Variants in MBNL1 observed in about 807,000 individuals in gnomAD.
MBNL1 encodes muscleblind like splicing regulator 1.
A neutral mutation model predicts 42.2 loss-of-function variants in MBNL1; 8 were observed. That is an observed-to-expected ratio of 0.19 (90% CI 0.11 to 0.34). The LOEUF (loss-of-function observed/expected upper bound fraction) is 0.34. MBNL1 is among the 10% of genes least tolerant of loss of function. The pLI is 1.00. For synonymous variants in MBNL1, 169 were observed against 173.9 expected (o/e 0.97, Z 0.22); for missense variants, 309 against 495.3 (o/e 0.62, Z 3.57).
At chr3:152,443,846 C>A (rs1045922734) in intron 4 of MBNL1, among the ~76,000 whole-genome samples, 2 of 152,060 alleles carry the variant, frequency 1.3e-5, no homozygotes, top group African/African-American at 2.4e-5. Flanking sequence ...GTATTTGGAA[C>A]ACAAAACTTT....
chr3:152,361,307 G>C (rs2095923304), intron 2 of MBNL1, among the ~76,000 whole-genome samples: 1 of 151,816 alleles, frequency 6.6e-6, no homozygotes, highest in Non-Finnish European at 1.5e-5. Flanking sequence ...AACATCAGTG[G>C]AGTTCCCATG....
chr3:152,385,576 A>G (rs1183187822), intron 2 of MBNL1, among the ~76,000 whole-genome samples: 2 of 152,008 alleles, frequency 1.3e-5, no homozygotes, highest in Admixed American at 6.6e-5. Flanking sequence ...GGGTAACTCT[A>G]CCCTCAACTG....
chr3:152,250,544 A>G (rs967611959), intron 2 of MBNL1, among the ~76,000 whole-genome samples: 5 of 152,124 alleles, frequency 3.3e-5, no homozygotes, highest in African/African-American at 1.2e-4. Context: ...TTTTCTAGAT[A>G]TACAATCAAG....
At chr3:152,363,873 A>T (rs2096176414) in intron 2 of MBNL1, among the ~76,000 whole-genome samples, 1 of 152,156 alleles carries the variant, frequency 6.6e-6, no homozygotes, top group African/African-American at 2.4e-5. Flanking sequence ...ATGAAAAAAT[A>T]TCAATTCCTG....
intron 2 of MBNL1, among the ~76,000 whole-genome samples, chr3:152,332,792 G>A (rs1192491305): frequency 2.0e-5 from 3 of 149,486 alleles, no homozygotes; most frequent in Middle Eastern, 6.8e-3. Context: ...TTTAAAAAAA[G>A]CTGAAGATAG....
chr3:152,269,243 G>A (rs975684434), intron 1 of MBNL1, 151 bp downstream of exon 1: 6 of 349,654 alleles, frequency 1.7e-5, no homozygotes, highest in Non-Finnish European at 3.4e-5. Context: ...TTGGTTTCGC[G>A]TCCCTCAGCA....
chr3:152,353,435 G>A (rs1313442316), intron 2 of MBNL1, among the ~76,000 whole-genome samples: 6 of 152,168 alleles, frequency 3.9e-5, no homozygotes, highest in African/African-American at 1.4e-4. Flanking sequence ...GAGTAGTCAG[G>A]CAGAGGAAAT....
chr3:152,263,453 G>A (rs558605561), upstream of MBNL1: 11 of 152,218 alleles, frequency 7.2e-5, no homozygotes, highest in African/African-American at 2.6e-4. Flanking sequence ...GTTATCTCGA[G>A]GATCATGAGT....
intron 2 of MBNL1, among the ~76,000 whole-genome samples, chr3:152,252,134 A>ACCTTCCTTCCTTCCTT (rs139692617): frequency 0.091 from 9,313 of 102,706 alleles, 1,062 homozygotes; most frequent in Admixed American, 0.11. Context: ...AAACTAACCT[A>ACCTTCCTTCCTTCCTT]CCTTCCTTCC....
intron 1 of MBNL1, among the ~76,000 whole-genome samples, chr3:152,298,418 C>A (rs184255155): frequency 1.3e-5 from 2 of 152,218 alleles, no homozygotes; most frequent in Non-Finnish European, 2.9e-5. Flanking sequence ...CATCCCCCAC[C>A]CTCCAGCTTT....
At chr3:152,286,460 ATATAT>A (rs1429965181) in intron 1 of MBNL1, among the ~76,000 whole-genome samples, 2 of 43,060 alleles carry the variant, frequency 4.6e-5, no homozygotes, top group Non-Finnish European at 9.3e-5. Flanking sequence ...TATAATATAA[ATATAT>A]TTTATTTATA....
intron 1 of MBNL1, among the ~76,000 whole-genome samples, chr3:152,294,755 T>C (rs914514617): frequency 6.6e-6 from 1 of 152,220 alleles, no homozygotes; most frequent in Admixed American, 6.5e-5. Context: ...GCAAGAATTC[T>C]CATAATCTGG....
chr3:152,306,332 C>T (rs2063107506), intron 2 of MBNL1, among the ~76,000 whole-genome samples: 2 of 152,220 alleles, frequency 1.3e-5, no homozygotes, highest in African/African-American at 4.8e-5. Context: ...TATTTGGCGA[C>T]TCTATAGTCA....
At chr3:152,432,607 G>A (rs1453266886) in intron 3 of MBNL1, 110 bp from the exon 4 acceptor site, 12 of 891,006 alleles carry the variant, frequency 1.3e-5, no homozygotes, top group Non-Finnish European at 2.0e-5. Context: ...GGGAAGGAGG[G>A]AAGGCCTAAG....
At chr3:152,336,305 C>G (rs2090128158) in intron 2 of MBNL1, among the ~76,000 whole-genome samples, 2 of 151,976 alleles carry the variant, frequency 1.3e-5, no homozygotes, top group African/African-American at 4.8e-5. Context: ...TGGTTTTCAC[C>G]AATGGGATTA....
At chr3:152,295,945 A>G (rs963776426) in intron 1 of MBNL1, among the ~76,000 whole-genome samples, 3 of 152,244 alleles carry the variant, frequency 2.0e-5, no homozygotes, top group African/African-American at 4.8e-5. Flanking sequence ...GGTTCAAGAA[A>G]GAGGGAGTTG....
intron 2 of MBNL1, among the ~76,000 whole-genome samples, chr3:152,366,050 A>C (rs1285891921): frequency 2.0e-5 from 3 of 152,160 alleles, no homozygotes; most frequent in Non-Finnish European, 4.4e-5. Context: ...CATCTCCAGA[A>C]TGAAGTAGTT....
chr3:152,298,730 G>A (rs1384032363), intron 1 of MBNL1, among the ~76,000 whole-genome samples: 1 of 152,134 alleles, frequency 6.6e-6, no homozygotes, highest in Non-Finnish European at 1.5e-5. Context: ...GGCAGGACTT[G>A]GGCTTTAGAA....
At chr3:152,282,131 C>T (rs1411054537) in intron 1 of MBNL1, among the ~76,000 whole-genome samples, 2 of 152,046 alleles carry the variant, frequency 1.3e-5, no homozygotes, top group African/African-American at 4.8e-5. Flanking sequence ...ATATTGATAC[C>T]ATTTTGTGAT....
Sources: allele counts gnomAD v4.1 joint callset (sites outside exome capture counted in the v4.1 genomes callset), GRCh38; gene constraint gnomAD v4.1.1; transcripts MANE v1.5; gene names NCBI Gene and HGNC (gene_info 2026-07-23, HGNC 2026-07-21).